The following OPCML variants were observed in gnomAD, a reference collection of about 807,000 sequenced individuals.
OPCML encodes the protein opioid-binding protein/cell adhesion molecule.
Under a neutral mutation model 37.8 loss-of-function variants are expected in OPCML, and 13 were observed. That is an observed-to-expected ratio of 0.34 (90% CI 0.22 to 0.55). The LOEUF (loss-of-function observed/expected upper bound fraction) is 0.55, where lower values mean the gene tolerates loss of function less well. Ranked by LOEUF, OPCML falls within the 20% of genes least tolerant of loss-of-function variation. The pLI is 0.91. For missense variants in OPCML, 341 were observed against 435.6 expected (o/e 0.78, Z 1.93); for synonymous variants, 176 against 168.8 (o/e 1.04, Z -0.33).
At chr11:133,314,500 C>A (rs944022747) in intron 1 of OPCML, among the ~76,000 whole-genome samples, 5 of 151,334 alleles carry the variant, frequency 3.3e-5, no homozygotes, top group African/African-American at 4.9e-5. Context: ...GCACACTATT[C>A]ATCTCTACAG....
chr11:133,000,110 G>A lies in OPCML; in HGVS notation c.62-57100C>T, dbSNP rs377163138. Among the ~76,000 whole-genome samples the A allele has an allele frequency of 1.2e-4, 18 of 152,168 alleles. 1 individual carries two copies. The South Asian group carries it at 2.9e-3, about 25-fold the overall frequency. On this transcript the variant is annotated intron_variant, in intron 1 of 7. Coordinates refer to ENST00000524381, the MANE Select transcript of OPCML (RefSeq NM_001012393.5). Reference sequence around the variant, plus strand: ...CTCACTCTGTTGGCCAGGCTGGAGTGTGGTGACGTGATCTCGGCTCACTGC... The same window carrying A: ...CTCACTCTGTTGGCCAGGCTGGAGTATGGTGACGTGATCTCGGCTCACTGC...
chr11:133,517,115 G>A (rs1051961110), intron 1 of OPCML, among the ~76,000 whole-genome samples: 1 of 152,166 alleles, frequency 6.6e-6, no homozygotes, highest in Non-Finnish European at 1.5e-5. Context: ...CACGTGGCAC[G>A]ACTCTCTGCA....
chr11:133,192,539 ACC>A (rs1202241665), intron 1 of OPCML, among the ~76,000 whole-genome samples: 1 of 152,140 alleles, frequency 6.6e-6, no homozygotes, highest in Non-Finnish European at 1.5e-5. Context: ...CTTTGTTTCC[ACC>A]GCTGGTTGCC....
At chr11:132,901,682 C>T (rs1305207987) in intron 2 of OPCML, among the ~76,000 whole-genome samples, 1 of 152,178 alleles carries the variant, frequency 6.6e-6, no homozygotes, top group African/African-American at 2.4e-5. Context: ...GGGCACGGTG[C>T]GTCCTCAGCT....
intron 2 of OPCML, among the ~76,000 whole-genome samples, chr11:132,917,939 C>A (rs2659630): frequency 0.05 from 7,608 of 152,184 alleles, 293 homozygotes; most frequent in Middle Eastern, 0.15. Context: ...ATCTATGGTG[C>A]TCCATGATTT....
intron 1 of OPCML, among the ~76,000 whole-genome samples, chr11:132,998,147 A>G (rs536233326): frequency 3.3e-4 from 51 of 152,310 alleles, no homozygotes; most frequent in Admixed American, 1.2e-3. Context: ...GAGTCCCCCA[A>G]GAAACATCCC....
At chr11:133,273,356 G>T (rs1941905087) in intron 1 of OPCML, among the ~76,000 whole-genome samples, 1 of 152,110 alleles carries the variant, frequency 6.6e-6, no homozygotes, top group African/African-American at 2.4e-5. Context: ...CCAGTGAGGT[G>T]CTGGGGGCCG....
chr11:132,828,443 C>A (rs891032966), intron 2 of OPCML, among the ~76,000 whole-genome samples: 3 of 151,978 alleles, frequency 2.0e-5, no homozygotes, highest in Non-Finnish European at 4.4e-5. Context: ...AACAAATGAA[C>A]CATACCGATG....
At chr11:132,850,415 C>T (rs1171979675) in intron 2 of OPCML, among the ~76,000 whole-genome samples, 1 of 152,088 alleles carries the variant, frequency 6.6e-6, no homozygotes, top group East Asian at 1.9e-4. Context: ...AAACTTGGAA[C>T]ACGTTAAAAC....
At chr11:132,743,626 T>A (rs564156740) in intron 2 of OPCML, among the ~76,000 whole-genome samples, 4 of 152,342 alleles carry the variant, frequency 2.6e-5, no homozygotes, top group African/African-American at 9.6e-5. Context: ...CTTCCTGGAA[T>A]CCAAAGGAAA....
At chr11:133,320,209 T>G (rs117866348) in intron 1 of OPCML, among the ~76,000 whole-genome samples, 4 of 152,220 alleles carry the variant, frequency 2.6e-5, no homozygotes, top group Non-Finnish European at 5.9e-5. Flanking sequence ...CTGATCAATA[T>G]TTGGTTAATT....
At chr11:133,525,653 T>C (rs1048092448) in intron 1 of OPCML, among the ~76,000 whole-genome samples, 1 of 152,208 alleles carries the variant, frequency 6.6e-6, no homozygotes, top group African/African-American at 2.4e-5. Flanking sequence ...ACTGTGTTTC[T>C]AAAACCGTTA....
intron 1 of OPCML, among the ~76,000 whole-genome samples, chr11:133,070,439 C>G (rs1317185547): frequency 6.6e-6 from 1 of 152,080 alleles, no homozygotes. Flanking sequence ...TAATCTCTAC[C>G]CAGCATCGCC....
chr11:132,754,062 G>A lies in OPCML; in HGVS notation c.147-96743C>T, dbSNP rs536905437. Reference sequence around the variant, plus strand: ...AAGGTCTACTGTGCCTGGGCTGAGAGTGCCAGCTCCACTAAGGGAAGGGAA... The same window carrying A: ...AAGGTCTACTGTGCCTGGGCTGAGAATGCCAGCTCCACTAAGGGAAGGGAA... On this transcript the variant is annotated intron_variant, in intron 2 of 7. Transcript: ENST00000524381. Among the ~76,000 whole-genome samples the A allele has an allele frequency of 1.1e-4, 17 of 152,362 alleles. No individual in the cohort carries two copies. In the South Asian group the frequency reaches 3.5e-3, roughly 32 times the overall value.
intron 2 of OPCML, among the ~76,000 whole-genome samples, chr11:132,827,056 A>G (rs572308814): frequency 6.6e-6 from 1 of 152,292 alleles, no homozygotes; most frequent in South Asian, 2.1e-4. Context: ...CTCTTGTTCC[A>G]TGGTTGTTTC....
chr11:132,500,568 A>G (rs183920898), intron 4 of OPCML, among the ~76,000 whole-genome samples: 2 of 151,994 alleles, frequency 1.3e-5, no homozygotes, highest in East Asian at 1.9e-4. Context: ...TTTATTATTT[A>G]TTTTGTTTTA....
At chr11:132,649,938 C>T (rs1353373088) in intron 3 of OPCML, among the ~76,000 whole-genome samples, 1 of 151,986 alleles carries the variant, frequency 6.6e-6, no homozygotes, top group Non-Finnish European at 1.5e-5. Flanking sequence ...TACACACACA[C>T]ACACACACAC....
chr11:133,526,634 G>A (rs1355152629), intron 1 of OPCML, among the ~76,000 whole-genome samples: 1 of 152,178 alleles, frequency 6.6e-6, no homozygotes, highest in Non-Finnish European at 1.5e-5. Context: ...CCATCTTGGG[G>A]TATCAAGTGA....
In OPCML at chr11:132,583,884, G is replaced by A. The variant is rs1169934102; in HGVS notation, c.380-54698C>T. On this transcript the variant is annotated intron_variant, in intron 3 of 7. Transcript: ENST00000524381. The stretch of plus-strand genomic sequence containing the variant: ...TCACCTCGGCCTCCCAAAGTGCTGG[G>A]ATTACAGGCATGAACCACTGTGCCC... Among the ~76,000 whole-genome samples, 4 of 152,114 alleles carry A rather than the reference G, an allele frequency of 2.6e-5. No homozygotes were observed. In the East Asian group the frequency reaches 7.7e-4, roughly 29 times the overall value.
Sources: gnomAD v4.1 joint callset for allele counts (sites outside exome capture counted in the v4.1 genomes callset) on GRCh38, gnomAD v4.1.1 for gene constraint, MANE v1.5 for transcripts, NCBI Gene and HGNC (gene_info 2026-07-23, HGNC 2026-07-21) for gene names.